KCNJ18: variants seen among roughly 807,000 people sequenced by gnomAD.
KCNJ18 encodes the protein inward rectifier potassium channel 18.
KCNJ18 carries 16 observed loss-of-function variants against 17.3 expected under a neutral mutation model. The ratio of observed to expected loss-of-function variants is 0.92; its 90% CI spans 0.62 to 1.40. The LOEUF is 1.40. Ranked by LOEUF, KCNJ18 falls within the 40% of genes most tolerant of loss-of-function variation. The pLI is 0.00. For missense variants in KCNJ18, 462 were observed against 626.8 expected, an observed-to-expected ratio of 0.74 and a Z score of 2.81; for synonymous variants, 185 against 262.6, an observed-to-expected ratio of 0.70 and a Z score of 2.86.
In KCNJ18 at chr17:21,704,344, G is replaced by A. The variant is rs1388211492; in HGVS notation, c.*256G>A. 175 of 482,268 alleles carry A rather than the reference G, an allele frequency of 3.6e-4. No individual in the cohort carries two copies. The South Asian group carries it at 5.9e-3, about 16-fold the overall frequency. The allele number at this position is 482,268 out of a possible 1,614,324, so 29.9% of individuals were successfully genotyped here. A position where few individuals can be genotyped will look rare whatever the true frequency, so the allele number is the denominator to read the frequency against. On this transcript the variant is annotated 3_prime_UTR_variant, in exon 3 of 3. Coordinates refer to ENST00000567955, the MANE Select transcript of KCNJ18 (RefSeq NM_001194958.2). ...TGGCCTCCTGGGGGGCCAGGCCACG[G>A]GGGCCAGGGCTTCTGCCTGAAGATG...
intron 2 of KCNJ18, among the ~76,000 whole-genome samples, chr17:21,701,782 G>A (rs1597757385): frequency 6.6e-6 from 1 of 152,264 alleles, no homozygotes; most frequent in African/African-American, 2.4e-5. Flanking sequence ...GTGGTGGCGG[G>A]CACCTATAAT....
At chr17:21,702,303 T>C (rs1358200480) in intron 2 of KCNJ18, among the ~76,000 whole-genome samples, 1 of 151,808 alleles carries the variant, frequency 6.6e-6, no homozygotes, top group Non-Finnish European at 1.5e-5. Context: ...GCCTCTGACA[T>C]TGAGCAAGGG....
chr17:21,695,691 A>T (rs1423139770), intron 1 of KCNJ18, among the ~76,000 whole-genome samples: 9 of 152,300 alleles, frequency 5.9e-5, no homozygotes, highest in African/African-American at 2.2e-4. Flanking sequence ...ATGTGAGATG[A>T]TGTATGTAAA....
At chr17:21,702,062 C>A (rs1905975169) in intron 2 of KCNJ18, among the ~76,000 whole-genome samples, 1 of 152,260 alleles carries the variant, frequency 6.6e-6, no homozygotes, top group African/African-American at 2.4e-5. Flanking sequence ...AAGGGCAGTG[C>A]TGTGGATATA....
rs1906072088 is a variant in KCNJ18, at chr17:21,703,955, A to G, written c.1169A>G (p.Asp390Gly). 2 of 1,608,538 alleles carry G rather than the reference A, an allele frequency of 1.2e-6. No homozygotes were observed. Among genetic ancestry groups the G allele is most frequent in the African/African-American group, 1.3e-5 (1 of 74,868 alleles). ...ELAFLSRDEE[D>G]EADGDQDGRS... ...GCCTTCCTGAGCCGTGACGAGGAGG[A>G]TGAGGCGGACGGAGACCAGGACGGC... The change falls in exon 3 of 3, where the codon GAT (aspartate) becomes GGT (glycine). Residue 390 changes from aspartate to glycine, a missense_variant. Asp to Gly is a moderately conservative substitution (Grantham distance 94, BLOSUM62 -1). This residue lies in a region of KCNJ18 where 123 missense variants were observed against 117.5 expected (regional missense o/e 1.05). Coordinates refer to ENST00000567955, the MANE Select transcript of KCNJ18 (RefSeq NM_001194958.2).
chr17:21,702,632 G>C, intron 2 of KCNJ18, 99 bp from the exon 3 acceptor site: 1 of 847,248 alleles, frequency 1.2e-6, no homozygotes, highest in Non-Finnish European at 1.8e-6. Context: ...GGTCAATCAG[G>C]GTGGAAGCGT....
intron 2 of KCNJ18, among the ~76,000 whole-genome samples, chr17:21,696,702 G>T (rs1597755041): frequency 6.6e-6 from 1 of 152,284 alleles, no homozygotes; most frequent in East Asian, 1.9e-4. Flanking sequence ...GGGGGCCAGG[G>T]GAGGAGGAGG....
rs1265873775 is a variant in KCNJ18 at position 21,703,951 on chromosome 17, G to A, written c.1165G>A (p.Glu389Lys). ...NELAFLSRDE[E>K]DEADGDQDGR... ...GCTGGCCTTCCTGAGCCGTGACGAG[G>A]AGGATGAGGCGGACGGAGACCAGGA... The change falls in exon 3 of 3, where the codon GAG (glutamate) becomes AAG (lysine). Residue 389 changes from glutamate (E) to lysine (K), a missense_variant. Around this residue, in one of 5 missense-constraint regions of KCNJ18, gnomAD observed 123 missense variants for 117.5 expected, o/e 1.05. Coordinates refer to ENST00000567955, the MANE Select transcript of KCNJ18 (RefSeq NM_001194958.2). 3.1e-6 allele frequency: 5 copies of A among 1,609,268 alleles called. No individual in the cohort carries two copies. The African/African-American group carries it at 6.7e-5, about 21-fold the overall frequency.
chr17:21,700,135 AAGC>A (rs1185675440), intron 2 of KCNJ18, among the ~76,000 whole-genome samples: 29 of 152,138 alleles, frequency 1.9e-4, no homozygotes, highest in Non-Finnish European at 7.4e-5. Flanking sequence ...GCCCAGGCAG[AAGC>A]AGTGTCCACC....
chr17:21,700,915 C>A (rs1905926262), intron 2 of KCNJ18, among the ~76,000 whole-genome samples: 1 of 142,232 alleles, frequency 7.0e-6, no homozygotes, highest in Non-Finnish European at 1.5e-5. Context: ...AGGGAGAAGG[C>A]TTTGTCTAGC....
chr17:21,699,010 C>T (rs1172416619), intron 2 of KCNJ18, among the ~76,000 whole-genome samples: 4 of 141,050 alleles, frequency 2.8e-5, no homozygotes, highest in East Asian at 4.2e-4. Flanking sequence ...AGGCCAACCC[C>T]GGTGTCTGTG....
intron 2 of KCNJ18, among the ~76,000 whole-genome samples, chr17:21,697,940 GTGTGCCAGCCTTCC>G (rs1364017477): frequency 2.0e-4 from 31 of 152,422 alleles, no homozygotes; most frequent in African/African-American, 7.0e-4. Flanking sequence ...GCGGGGAGGC[GTGTGCCAGCCTTCC>G]CTGCATTGAG....
In KCNJ18 at chr17:21,694,700, C is replaced by G. The variant is rs1297409290; in HGVS notation, c.-178-1283C>G. On this transcript the variant is annotated intron_variant, in intron 1 of 2. Coordinates refer to ENST00000567955, the MANE Select transcript of KCNJ18 (RefSeq NM_001194958.2). ...TCTGTCCATCCATCCACCCTTCCAT[C>G]CCTCTATCCATTCATTTCTTTACCC... 4.2e-3 allele frequency among the ~76,000 whole-genome samples: 643 copies of G among 151,492 alleles called. 4 individuals are homozygous for G. The highest frequency in any genetic ancestry group is 0.021 in the Admixed American group (319 of 15,228).
chr17:21,693,070 A>G (rs1905649923), intron 1 of KCNJ18, among the ~76,000 whole-genome samples: 1 of 152,304 alleles, frequency 6.6e-6, no homozygotes, highest in Non-Finnish European at 1.5e-5. Context: ...GTCATGGGGA[A>G]GCACTGCCCC....
chr17:21,693,095 C>G (rs1319903923), intron 1 of KCNJ18, among the ~76,000 whole-genome samples: 1 of 151,480 alleles, frequency 6.6e-6, no homozygotes, highest in Non-Finnish European at 1.5e-5. Context: ...GCCCACCTCC[C>G]CATCCAGGAT....
chr17:21,702,378 C>A (rs1274338954), intron 2 of KCNJ18, among the ~76,000 whole-genome samples: 119 of 123,496 alleles, frequency 9.6e-4, no homozygotes, highest in African/African-American at 3.4e-3. Flanking sequence ...GGGGGGCCAT[C>A]GGCAGAGGCA....
rs1178306448 is a variant in KCNJ18, at chr17:21,704,310, G to A, written c.*222G>A. The A allele has an allele frequency of 6.9e-6, 4 of 581,776 alleles. No individual in the cohort carries two copies. The South Asian group carries it at 1.0e-4, about 15-fold the overall frequency. 36.0% of individuals were successfully genotyped at this position (581,776 alleles called of 1,614,324 possible). A position where few individuals can be genotyped will look rare whatever the true frequency, so the allele number is the denominator to read the frequency against. On this transcript the variant is annotated 3_prime_UTR_variant, in exon 3 of 3. Transcript: ENST00000567955. ...CCTCAGAGGCTATCACAGGCTCAGG[G>A]CAAAGAAGTGGCCTCCTGGGGGGCC...
At chr17:21,702,671 T>TG in intron 2 of KCNJ18, 60 bp from the exon 3 acceptor site, 2 of 1,137,740 alleles carry the variant, frequency 1.8e-6, no homozygotes, top group Non-Finnish European at 2.5e-6. Context: ...GGCCCTGGGA[T>TG]GGGGGTAGAG....
At position 21,703,200 on chromosome 17, in the gene KCNJ18, C is replaced by T. The variant is rs1232547622; in HGVS notation, c.414C>T (p.Ile138=). The part of the protein sequence containing the change: ...HGFMAAFLFS[I]ETQTTIGYGL... ...TCATGGCGGCCTTCCTCTTCTCCAT[C>T]GAGACGCAGACCACCATCGGCTACG... Residue 138 remains isoleucine, a synonymous_variant, in exon 3 of 3, where the codon ATC becomes ATT. Transcript: ENST00000567955. 71 of 1,609,776 alleles carry T rather than the reference C, an allele frequency of 4.4e-5. No homozygotes were observed. In the African/African-American group the frequency reaches 4.9e-4, roughly 11 times the overall value.
Sources: allele counts gnomAD v4.1 joint callset (sites outside exome capture counted in the v4.1 genomes callset), GRCh38; gene constraint gnomAD v4.1.1; regional missense constraint gnomAD v4.1.1; transcripts MANE v1.5; gene names NCBI Gene and HGNC (gene_info 2026-07-23, HGNC 2026-07-21).